The following PARD3B variants were observed in gnomAD, a reference collection of about 807,000 sequenced individuals.
PARD3B encodes par-3 family cell polarity regulator beta.
A neutral mutation model predicts 130.2 loss-of-function variants in PARD3B; 103 were observed. That is an observed-to-expected ratio of 0.79 (90% CI 0.67 to 0.93). The LOEUF is 0.93. Among genes scored for constraint, PARD3B ranks in the 40% least tolerant of loss-of-function variants. The pLI, the probability that PARD3B is intolerant of heterozygous loss-of-function variation, is 0.00. For missense variants in PARD3B, 1,609 were observed against 1,499.2 expected (o/e 1.07, Z -1.21); for synonymous variants, 583 against 553.2 (o/e 1.05, Z -0.76).
intron 18 of PARD3B, among the ~76,000 whole-genome samples, chr2:205,377,322 C>T (rs1041107887): frequency 3.3e-5 from 5 of 152,284 alleles, no homozygotes; most frequent in Admixed American, 2.6e-4. Context: ...GATTCTGACT[C>T]AGAGTTCTGA....
intron 2 of PARD3B, among the ~76,000 whole-genome samples, chr2:204,794,915 C>A (rs2042319532): frequency 6.6e-6 from 1 of 152,018 alleles, no homozygotes; most frequent in African/African-American, 2.4e-5. Flanking sequence ...ATTTATTATT[C>A]TTATCATCAT....
chr2:205,217,166 A>G (rs1167729300), intron 15 of PARD3B, among the ~76,000 whole-genome samples: 1 of 152,196 alleles, frequency 6.6e-6, no homozygotes, highest in Non-Finnish European at 1.5e-5. Flanking sequence ...CATACTGTCT[A>G]GCCAGAAAGT....
intron 2 of PARD3B, among the ~76,000 whole-genome samples, chr2:204,836,314 A>T (rs143898841): frequency 2.0e-5 from 3 of 152,232 alleles, no homozygotes; most frequent in African/African-American, 7.2e-5. Flanking sequence ...ATAATTAGAT[A>T]CATAAATTCA....
At chr2:204,927,544 A>G (rs932245403) in intron 2 of PARD3B, among the ~76,000 whole-genome samples, 8 of 152,160 alleles carry the variant, frequency 5.3e-5, no homozygotes, top group Admixed American at 3.9e-4. Context: ...AAATGAACTG[A>G]GATAACAATA....
chr2:204,767,202 A>G (rs1456153521), intron 2 of PARD3B, among the ~76,000 whole-genome samples: 3 of 56,846 alleles, frequency 5.3e-5, no homozygotes, highest in African/African-American at 1.9e-4. Context: ...TCCTGTGTCC[A>G]TGTGATCTCA....
At chr2:205,317,530 T>TG (rs2042603068) in intron 18 of PARD3B, among the ~76,000 whole-genome samples, 1 of 152,062 alleles carries the variant, frequency 6.6e-6, no homozygotes, top group Admixed American at 6.6e-5. Flanking sequence ...AACCAACTCA[T>TG]CCCACTTTGA....
chr2:205,548,948 C>T (rs1425608188), intron 21 of PARD3B, among the ~76,000 whole-genome samples: 5 of 152,026 alleles, frequency 3.3e-5, no homozygotes, highest in Non-Finnish European at 7.4e-5. Flanking sequence ...AAAAAATGGG[C>T]CAAAGACCTC....
chr2:204,676,870 A>G (rs2036575112), intron 1 of PARD3B, among the ~76,000 whole-genome samples: 1 of 151,902 alleles, frequency 6.6e-6, no homozygotes, highest in African/African-American at 2.4e-5. Flanking sequence ...GGGTTTCACC[A>G]TGTTGGTCAG....
rs2055399242 is a variant in PARD3B, at chr2:205,615,559, C to T, written c.3364C>T (p.Pro1122Ser). The T allele has an allele frequency of 3.1e-6, 5 of 1,614,172 alleles. No individual in the cohort carries two copies. The highest frequency in any genetic ancestry group is 4.2e-6 in the Non-Finnish European group (5 of 1,180,010). The change falls in exon 23 of 23, where the codon CCC (proline) becomes TCC (serine). Residue 1122 changes from proline to serine, a missense_variant. Coordinates refer to ENST00000406610, the MANE Select transcript of PARD3B (RefSeq NM_001302769.2). ...TCCAGGGGCTCATCCTATGCACCCT[C>T]CCAAAGGGAGCTATCCCCGCCCCAC... ...YYPGAHPMHP[P>S]KGSYPRPTEL...
At chr2:205,096,325 T>C (rs1282813052) in intron 4 of PARD3B, among the ~76,000 whole-genome samples, 1 of 152,124 alleles carries the variant, frequency 6.6e-6, no homozygotes. Context: ...ATGATGAACT[T>C]ATATTAGAAT....
intron 3 of PARD3B, among the ~76,000 whole-genome samples, chr2:205,039,095 G>C (rs1698209430): frequency 6.6e-6 from 1 of 151,824 alleles, no homozygotes; most frequent in Non-Finnish European, 1.5e-5. Flanking sequence ...TGGGTCTCCA[G>C]ATTTCAGTGT....
At chr2:205,604,398 T>C (rs908447489) in intron 22 of PARD3B, among the ~76,000 whole-genome samples, 10 of 152,156 alleles carry the variant, frequency 6.6e-5, no homozygotes, top group Non-Finnish European at 1.3e-4. Context: ...ACTCCCATTA[T>C]TAAAACCATC....
chr2:204,576,967 T>C (rs918966718), intron 1 of PARD3B, among the ~76,000 whole-genome samples: 1 of 152,210 alleles, frequency 6.6e-6, no homozygotes, highest in Non-Finnish European at 1.5e-5. Context: ...AGCTAGGGCA[T>C]TGACTTCATA....
At position 205,525,734 on chromosome 2, in the gene PARD3B, C is replaced by T. The variant is rs903431966; in HGVS notation, c.3180+25703C>T. The stretch of plus-strand genomic sequence containing the variant: ...TCCTTTCTCACACTGAACTAATACT[C>T]ACCCTTCATTTTGGTGACAAGTCCA... On this transcript the variant is annotated intron_variant, in intron 21 of 22. Coordinates refer to ENST00000406610, the MANE Select transcript of PARD3B (RefSeq NM_001302769.2). This position sits in a 1 kb window ranked among gnomAD's most constrained non-coding sequence, Gnocchi z 4.2. 6.6e-6 allele frequency among the ~76,000 whole-genome samples: 1 copy of T among 152,166 alleles called. No homozygotes were observed. The highest frequency in any genetic ancestry group is 1.5e-5 in the Non-Finnish European group (1 of 68,034).
Position 205,265,604 on chromosome 2 carries a change from T to C in PARD3B, c.2185+19782T>C, listed in dbSNP as rs2040473565. ...CGAAGAGATGTTCAGTGTAATATAA[T>C]TATTTTGATGTCACTTTTCATTGTT... On this transcript the variant is annotated intron_variant, in intron 16 of 22. Transcript: ENST00000406610. This position sits in a 1 kb window ranked among gnomAD's most constrained non-coding sequence, Gnocchi z 4.3. Among the ~76,000 whole-genome samples the C allele has an allele frequency of 6.6e-6, 1 of 151,894 alleles. No homozygotes were observed. Among genetic ancestry groups the C allele is most frequent in the Non-Finnish European group, 1.5e-5 (1 of 67,894 alleles).
At chr2:205,299,908 T>C (rs1224123836) in intron 16 of PARD3B, among the ~76,000 whole-genome samples, 2 of 152,218 alleles carry the variant, frequency 1.3e-5, no homozygotes, top group East Asian at 3.8e-4. Flanking sequence ...ATTGATTAAA[T>C]AAATGGCAGT....
At chr2:204,655,781 G>A (rs1428426269) in intron 1 of PARD3B, among the ~76,000 whole-genome samples, 3 of 152,186 alleles carry the variant, frequency 2.0e-5, no homozygotes, top group East Asian at 2.0e-4. Flanking sequence ...AGTAGCTTAA[G>A]TGATAATCAT....
chr2:204,981,261 G>GA lies in PARD3B; in HGVS notation c.394+15947dup, dbSNP rs546204726. 1.1e-3 allele frequency among the ~76,000 whole-genome samples: 161 copies of GA among 149,678 alleles called. 1 individual carries two copies. Among genetic ancestry groups the GA allele is most frequent in the African/African-American group, 3.5e-3 (143 of 40,832 alleles). ...ACAGAAACGAGCGTGTATATTCACT[G>GA]AAAAAAAAATAGAACAGCATCCCTA... On this transcript the variant is annotated intron_variant, in intron 3 of 22. Coordinates refer to ENST00000406610, the MANE Select transcript of PARD3B (RefSeq NM_001302769.2).
intron 18 of PARD3B, among the ~76,000 whole-genome samples, chr2:205,345,983 C>T (rs2043741156): frequency 1.1e-5 from 1 of 91,458 alleles, no homozygotes. Flanking sequence ...CCAGCCTGGC[C>T]AACATAGTGA....
Sources: gnomAD v4.1 joint callset for allele counts (sites outside exome capture counted in the v4.1 genomes callset) on GRCh38, gnomAD v4.1.1 for gene constraint, Gnocchi (gnomAD v3.1) non-coding constraint, MANE v1.5 for transcripts, NCBI Gene and HGNC (gene_info 2026-07-23, HGNC 2026-07-21) for gene names.